The following SH3D19 variants were observed in gnomAD, a reference collection of about 807,000 sequenced individuals.
SH3D19 encodes SH3 domain-containing protein 19.
In SH3D19, 58 loss-of-function variants were observed where a neutral mutation model predicts 112.1. The observed-to-expected ratio is 0.52, with a 90% confidence interval of 0.42 to 0.64. The LOEUF (loss-of-function observed/expected upper bound fraction) is 0.64, where lower values mean the gene tolerates loss of function less well. Ranked by LOEUF, SH3D19 falls within the 30% of genes least tolerant of loss-of-function variation. SH3D19 has a pLI of 0.00. For missense variants in SH3D19, 1,090 were observed against 1,263.4 expected (o/e 0.86, Z 2.08); for synonymous variants, 391 against 448.5 (o/e 0.87, Z 1.62).
chr4:151,256,013 G>GGAGAGGGGGAGAGGGAGAGGGAGA (rs1176916403), intron 1 of SH3D19, among the ~76,000 whole-genome samples: 1 of 105,270 alleles, frequency 9.5e-6, no homozygotes, highest in African/African-American at 3.5e-5. Flanking sequence ...GGAAAGAGAG[G>GGAGAGGGGGAGAGGGAGAGGGAGA]GGGAGAGGGA....
At chr4:151,314,370 C>G (rs989765984) in intron 1 of SH3D19, among the ~76,000 whole-genome samples, 5 of 152,204 alleles carry the variant, frequency 3.3e-5, no homozygotes, top group African/African-American at 1.2e-4. Flanking sequence ...ACTTCAAAAA[C>G]TACACATCAC....
At chr4:151,125,491 C>A (rs997911464) in intron 19 of SH3D19, among the ~76,000 whole-genome samples, 6 of 97,052 alleles carry the variant, frequency 6.2e-5, no homozygotes, top group Admixed American at 1.2e-4. Context: ...CAAAACAAAA[C>A]CAAAAAAAAA....
At chr4:151,198,405 TTATATATTATATAAAA>T (rs1366473010) in intron 2 of SH3D19, among the ~76,000 whole-genome samples, 50 of 142,444 alleles carry the variant, frequency 3.5e-4, no homozygotes, top group African/African-American at 1.2e-3. Flanking sequence ...ATATCATATA[TTATATATTATATAAAA>T]TATATATTAT....
intron 1 of SH3D19, among the ~76,000 whole-genome samples, chr4:151,232,156 C>A (rs916690688): frequency 1.3e-5 from 2 of 152,166 alleles, no homozygotes; most frequent in African/African-American, 2.4e-5. Context: ...TGCACTCCAG[C>A]CTGGGGGATG....
intron 9 of SH3D19, among the ~76,000 whole-genome samples, chr4:151,150,511 G>C (rs1451602759): frequency 1.3e-5 from 2 of 151,702 alleles, no homozygotes; most frequent in Non-Finnish European, 2.9e-5. Context: ...AGTGGGTTTT[G>C]AACTAGAAGG....
At chr4:151,311,577 G>A (rs7685471) in intron 1 of SH3D19, among the ~76,000 whole-genome samples, 23,080 of 151,950 alleles carry the variant, frequency 0.15, 1,869 homozygotes, top group South Asian at 0.28. Context: ...AGTGCCTCAC[G>A]CCTGTAATCT....
chr4:151,303,899 C>T (rs1018219679), intron 1 of SH3D19, among the ~76,000 whole-genome samples: 1 of 151,870 alleles, frequency 6.6e-6, no homozygotes, highest in East Asian at 1.9e-4. Flanking sequence ...TGTAGAAAAA[C>T]TTAAAAATGG....
chr4:151,295,973 T>C (rs911613984), intron 1 of SH3D19, among the ~76,000 whole-genome samples: 1 of 150,628 alleles, frequency 6.6e-6, no homozygotes, highest in African/African-American at 2.4e-5. Flanking sequence ...GAGGCGGAGG[T>C]TGCAGTGAGC....
intron 1 of SH3D19, among the ~76,000 whole-genome samples, chr4:151,228,259 C>CT (rs2149953042): frequency 6.6e-6 from 1 of 152,206 alleles, no homozygotes; most frequent in East Asian, 1.9e-4. Context: ...ATACGCAGTA[C>CT]TTATAAAATG....
intron 1 of SH3D19, among the ~76,000 whole-genome samples, chr4:151,307,264 C>T (rs541977401): frequency 4.6e-5 from 7 of 152,180 alleles, no homozygotes; most frequent in East Asian, 1.9e-4. Context: ...CCTCGTGATC[C>T]GCCCGCCTCG....
intron 2 of SH3D19, among the ~76,000 whole-genome samples, chr4:151,220,743 C>T (rs558892280): frequency 4.6e-5 from 7 of 152,292 alleles, no homozygotes; most frequent in African/African-American, 1.7e-4. Flanking sequence ...ATAGCTCTCA[C>T]TTGGAGTTTT....
At chr4:151,293,808 C>T (rs1775521870) in intron 1 of SH3D19, among the ~76,000 whole-genome samples, 1 of 152,218 alleles carries the variant, frequency 6.6e-6, no homozygotes, top group South Asian at 2.1e-4. Flanking sequence ...CCTGTCTCTT[C>T]AGCCTCATTT....
intron 1 of SH3D19, among the ~76,000 whole-genome samples, chr4:151,262,531 G>A (rs1171824048): frequency 2.6e-5 from 4 of 152,188 alleles, no homozygotes; most frequent in African/African-American, 4.8e-5. Flanking sequence ...GCCTTCCCCA[G>A]TGTGCTTCCT....
intron 3 of SH3D19, among the ~76,000 whole-genome samples, chr4:151,182,523 G>A (rs1258937685): frequency 1.3e-5 from 2 of 152,204 alleles, no homozygotes; most frequent in Admixed American, 1.3e-4. Context: ...AGAACATGGA[G>A]GGGTCTTGCA....
At chr4:151,228,819 A>C (rs1185204283) in intron 1 of SH3D19, among the ~76,000 whole-genome samples, 1 of 151,896 alleles carries the variant, frequency 6.6e-6, no homozygotes, top group East Asian at 1.9e-4. Flanking sequence ...ATTTTAAATC[A>C]AATACTCTTC....
At chr4:151,130,391 T>G (rs1471955062) in intron 17 of SH3D19, among the ~76,000 whole-genome samples, 3 of 151,742 alleles carry the variant, frequency 2.0e-5, no homozygotes, top group South Asian at 2.1e-4. Flanking sequence ...AGCTGAGACC[T>G]CGACACTGCA....
chr4:151,142,677 T>A (rs1383100989), intron 12 of SH3D19, among the ~76,000 whole-genome samples: 1 of 152,136 alleles, frequency 6.6e-6, no homozygotes, highest in Non-Finnish European at 1.5e-5. Flanking sequence ...CAACCACAAC[T>A]GGTCATGTTC....
chr4:151,147,299 T>C (rs1233003486), intron 11 of SH3D19, among the ~76,000 whole-genome samples: 1 of 152,186 alleles, frequency 6.6e-6, no homozygotes, highest in Non-Finnish European at 1.5e-5. Context: ...ATATAAACTA[T>C]AGTATCTGTC....
intron 7 of SH3D19, among the ~76,000 whole-genome samples, chr4:151,168,889 C>A (rs1758561757): frequency 1.3e-5 from 2 of 151,808 alleles, no homozygotes; most frequent in African/African-American, 4.8e-5. Context: ...AAATTAAATT[C>A]TGGGCCAGTA....
Sources: gnomAD v4.1 joint callset for allele counts (sites outside exome capture counted in the v4.1 genomes callset) on GRCh38, gnomAD v4.1.1 for gene constraint, MANE v1.5 for transcripts, NCBI Gene and HGNC (gene_info 2026-07-23, HGNC 2026-07-21) for gene names.